ANK3: variants seen among roughly 807,000 people sequenced by gnomAD.
ANK3 encodes ankyrin-3.
A neutral mutation model predicts 370.9 loss-of-function variants in ANK3; 57 were observed. The ratio of observed to expected loss-of-function variants is 0.15; its 90% CI spans 0.12 to 0.19. The LOEUF (loss-of-function observed/expected upper bound fraction) is 0.19, where lower values mean the gene tolerates loss of function less well. Among genes scored for constraint, ANK3 ranks in the 10% least tolerant of loss-of-function variants. The pLI, the probability that ANK3 is intolerant of heterozygous loss-of-function variation, is 1.00. For missense variants in ANK3, 4,439 were observed against 5,302.1 expected (o/e 0.84, Z 5.06); for synonymous variants, 1,929 against 1,946.3 (o/e 0.99, Z 0.23).
rs181105453 is a variant in ANK3, at chr10:60,075,014, A to C, written c.5867T>G (p.Val1956Gly). ...KIVEKVKEDLVKVSEILKKDV... is the reference protein window; with the variant it reads ...KIVEKVKEDLGKVSEILKKDV... ...CTTTTTAAGGATTTCACTAACTTTCACTAAGTCTTCCTTTACTTTCTCTAC... is the reference window on the plus strand; with the variant it reads ...CTTTTTAAGGATTTCACTAACTTTCCCTAAGTCTTCCTTTACTTTCTCTAC... Residue 1956 changes from valine (V) to glycine (G), a missense_variant, in exon 37 of 44, where the codon GTG becomes GGG. Transcript: ENST00000280772. 1.9e-5 allele frequency: 30 copies of C among 1,613,884 alleles called. No individual in the cohort carries two copies.
chr10:60,571,518 T>C (rs536746687), intron 2 of ANK3, among the ~76,000 whole-genome samples: 2 of 152,358 alleles, frequency 1.3e-5, no homozygotes, highest in East Asian at 3.9e-4. Flanking sequence ...TAAAATTATA[T>C]ATGAGTCCTA....
At chr10:60,067,403 G>C (rs1021472375) in intron 38 of ANK3, among the ~76,000 whole-genome samples, 3 of 152,132 alleles carry the variant, frequency 2.0e-5, no homozygotes, top group African/African-American at 7.2e-5. Context: ...AGAAAAGTGA[G>C]TTTACTTAAA....
chr10:60,042,869 C>T, intron 42 of ANK3, 110 bp from the exon 43 acceptor site: 1 of 1,541,736 alleles, frequency 6.5e-7, no homozygotes, highest in Non-Finnish European at 8.7e-7. Flanking sequence ...CAGTTTAAAG[C>T]ATTTTGTCAC....
chr10:60,620,479 C>G (rs1183188328), intron 1 of ANK3, among the ~76,000 whole-genome samples: 1 of 152,026 alleles, frequency 6.6e-6, no homozygotes, highest in African/African-American at 2.4e-5. Context: ...AACTGAGGCA[C>G]AAAGAGAATA....
rs77629070 is a variant in ANK3, at chr10:60,335,018, G to T, written c.114+54407C>A. Among the ~76,000 whole-genome samples, 708 of 152,232 alleles carry T rather than the reference G, an allele frequency of 4.7e-3. 1 individual carries two copies. The highest frequency in any genetic ancestry group is 0.017 in the African/African-American group (688 of 41,534). On this transcript the variant is annotated intron_variant, in intron 1 of 43. Transcript: ENST00000280772. Reference sequence around the variant, plus strand: ...ATTCCCACTATTAGGCTAGTTTCAAGGAGACACTTGACACTGGGGCTAGGT... The same window carrying T: ...ATTCCCACTATTAGGCTAGTTTCAATGAGACACTTGACACTGGGGCTAGGT...
At chr10:60,591,946 G>T (rs764414568) in intron 2 of ANK3, among the ~76,000 whole-genome samples, 1 of 152,168 alleles carries the variant, frequency 6.6e-6, no homozygotes, top group African/African-American at 2.4e-5. Flanking sequence ...TGGAGGCTTG[G>T]GGGAGAGGTG....
chr10:60,354,074 T>C (rs566641860), intron 1 of ANK3, among the ~76,000 whole-genome samples: 11 of 152,328 alleles, frequency 7.2e-5, no homozygotes, highest in Non-Finnish European at 1.0e-4. Flanking sequence ...CAGTTTTCAG[T>C]TCCATCCCAC....
At chr10:60,090,394 A>G (rs2087969707) in intron 28 of ANK3, among the ~76,000 whole-genome samples, 1 of 152,198 alleles carries the variant, frequency 6.6e-6, no homozygotes, top group Non-Finnish European at 1.5e-5. Flanking sequence ...TTTCCTATAC[A>G]AAACTGGAAA....
chr10:60,614,360 A>AAACGTT (rs1187090396), intron 2 of ANK3, among the ~76,000 whole-genome samples: 4 of 152,200 alleles, frequency 2.6e-5, no homozygotes, highest in Admixed American at 2.6e-4. Context: ...GCACCAAGTT[A>AAACGTT]AACGTTTTGT....
chr10:60,065,235 G>A (rs2081406310), intron 38 of ANK3, among the ~76,000 whole-genome samples: 1 of 152,204 alleles, frequency 6.6e-6, no homozygotes, highest in Non-Finnish European at 1.5e-5. Context: ...ATTGCAGAGT[G>A]TCTTTGGAAA....
chr10:60,642,877 C>T (rs1032024384), intron 1 of ANK3, among the ~76,000 whole-genome samples: 26 of 151,684 alleles, frequency 1.7e-4, no homozygotes, highest in African/African-American at 6.1e-4. Flanking sequence ...AATAACAGAG[C>T]TTCAAAATAT....
intron 1 of ANK3, among the ~76,000 whole-genome samples, chr10:60,385,499 G>C (rs1201373578): frequency 6.6e-6 from 1 of 151,902 alleles, no homozygotes; most frequent in African/African-American, 2.4e-5. Flanking sequence ...GCTTTGATTG[G>C]CTTTGTCTCC....
At chr10:60,634,230 G>A (rs2078521854) in intron 1 of ANK3, among the ~76,000 whole-genome samples, 1 of 152,146 alleles carries the variant, frequency 6.6e-6, no homozygotes, top group Admixed American at 6.5e-5. Context: ...GGTCTAGCTT[G>A]GTTGGGTGGA....
At chr10:60,528,502 C>CA (rs1286609665) in intron 2 of ANK3, among the ~76,000 whole-genome samples, 13 of 152,104 alleles carry the variant, frequency 8.5e-5, no homozygotes, top group African/African-American at 2.9e-4. Flanking sequence ...TCCATAATTA[C>CA]ATTAGGTTGA....
chr10:60,589,478 G>A (rs1329065103), intron 2 of ANK3, among the ~76,000 whole-genome samples: 1 of 152,042 alleles, frequency 6.6e-6, no homozygotes, highest in Non-Finnish European at 1.5e-5. Context: ...AATCAACTAA[G>A]TTACTGATAG....
At chr10:60,403,197 C>A (rs2063386475) in intron 2 of ANK3, among the ~76,000 whole-genome samples, 1 of 152,022 alleles carries the variant, frequency 6.6e-6, no homozygotes, top group South Asian at 2.1e-4. Context: ...ACTACAAAAA[C>A]AATCATTACA....
intron 2 of ANK3, among the ~76,000 whole-genome samples, chr10:60,437,858 G>A (rs1247674930): frequency 6.6e-6 from 1 of 152,202 alleles, no homozygotes; most frequent in Non-Finnish European, 1.5e-5. Flanking sequence ...CAGAAAGTGA[G>A]ACTTGATTTG....
chr10:60,595,683 A>T (rs1354292626), intron 2 of ANK3, among the ~76,000 whole-genome samples: 1 of 152,152 alleles, frequency 6.6e-6, no homozygotes, highest in Non-Finnish European at 1.5e-5. Context: ...TCCCCAAACT[A>T]GAAGGGGGTT....
At chr10:60,345,000 C>T (rs4291629) in intron 1 of ANK3, among the ~76,000 whole-genome samples, 106,110 of 151,992 alleles carry the variant, frequency 0.7, 38,306 homozygotes, top group South Asian at 0.92. Context: ...AAATACAGGC[C>T]CAGGTCCATG....
Sources: gnomAD v4.1 joint callset for allele counts (sites outside exome capture counted in the v4.1 genomes callset) on GRCh38, gnomAD v4.1.1 for gene constraint, MANE v1.5 for transcripts, NCBI Gene and HGNC (gene_info 2026-07-23, HGNC 2026-07-21) for gene names.